Variants in CDH6 observed in about 807,000 individuals in gnomAD.
The protein encoded by CDH6 is cadherin 6.
Under a neutral mutation model 78.0 loss-of-function variants are expected in CDH6, and 31 were observed. The ratio of observed to expected loss-of-function variants is 0.40; its 90% CI spans 0.30 to 0.54. The LOEUF (loss-of-function observed/expected upper bound fraction) is 0.54. CDH6 is among the 20% of genes least tolerant of loss of function. The pLI is 0.56. For missense variants in CDH6, 724 were observed against 975.9 expected (o/e 0.74, Z 3.44); for synonymous variants, 376 against 368.8 (o/e 1.02, Z -0.23).
In CDH6 at chr5:31,323,489, G is replaced by A. The variant is rs935272539; in HGVS notation, c.*181G>A. On this transcript the variant is annotated 3_prime_UTR_variant, in exon 12 of 12. Coordinates refer to ENST00000265071, the MANE Select transcript of CDH6 (RefSeq NM_004932.4). ...TAGTACACTTTTATGAGCTTCCAAG[G>A]GGCAAATTTTTATTTTTTAGTGCAT... 1.8e-5 allele frequency: 12 copies of A among 665,778 alleles called. No homozygotes were observed. The highest frequency in any genetic ancestry group is 2.9e-5 in the Non-Finnish European group (12 of 416,368). 41.2% of individuals were successfully genotyped at this position (665,778 alleles called of 1,614,324 possible).
At chr5:31,274,902 T>C (rs1467369255) in intron 2 of CDH6, among the ~76,000 whole-genome samples, 1 of 152,236 alleles carries the variant, frequency 6.6e-6, no homozygotes, top group Non-Finnish European at 1.5e-5. Flanking sequence ...ACTGTAGCTG[T>C]TACTTCCACA....
At chr5:31,211,306 T>C (rs1004846854) in intron 1 of CDH6, among the ~76,000 whole-genome samples, 3 of 152,160 alleles carry the variant, frequency 2.0e-5, no homozygotes, top group African/African-American at 7.2e-5. Context: ...GGATTTGGCT[T>C]GGGCTTCAAC....
At chr5:31,230,204 G>T (rs1452656331) in intron 1 of CDH6, among the ~76,000 whole-genome samples, 4 of 152,154 alleles carry the variant, frequency 2.6e-5, no homozygotes. Flanking sequence ...TCTCACTCAA[G>T]GTGATATTTA....
At chr5:31,266,148 G>A (rs1579864744) in intron 1 of CDH6, among the ~76,000 whole-genome samples, 1 of 152,038 alleles carries the variant, frequency 6.6e-6, no homozygotes, top group Non-Finnish European at 1.5e-5. Context: ...CAAAAATGTG[G>A]CAAAGTTTCT....
chr5:31,227,958 A>C (rs775266441), intron 1 of CDH6, among the ~76,000 whole-genome samples: 1 of 152,226 alleles, frequency 6.6e-6, no homozygotes, highest in Non-Finnish European at 1.5e-5. Context: ...TTTATAGGTC[A>C]GAGGTCAGAG....
intron 1 of CDH6, among the ~76,000 whole-genome samples, chr5:31,199,685 G>GTGTGTATATATATATA (rs796740950): frequency 2.1e-3 from 170 of 79,806 alleles, no homozygotes; most frequent in African/African-American, 7.6e-3. Flanking sequence ...GTGTGTGTGT[G>GTGTGTATATATATATA]TATATATATA....
At chr5:31,195,060 C>T (rs1166491366) in intron 1 of CDH6, among the ~76,000 whole-genome samples, 1 of 151,252 alleles carries the variant, frequency 6.6e-6, no homozygotes. Context: ...GGAATAGCCA[C>T]ACATTTCTGT....
At chr5:31,286,604 G>A (rs149077217) in intron 2 of CDH6, among the ~76,000 whole-genome samples, 19 of 152,272 alleles carry the variant, frequency 1.2e-4, no homozygotes, top group Middle Eastern at 3.4e-3. Context: ...AGCAGAGGCC[G>A]TGCCGGGCTT....
At position 31,258,614 on chromosome 5, in the gene CDH6, TAC is replaced by T. The variant is rs961658950; in HGVS notation, c.-128-8731_-128-8730del. 1.4e-3 allele frequency among the ~76,000 whole-genome samples: 210 copies of T among 152,022 alleles called. 1 individual carries two copies. The highest frequency in any genetic ancestry group is 5.0e-3 in the African/African-American group (207 of 41,464). On this transcript the variant is annotated intron_variant, in intron 1 of 11. Coordinates refer to ENST00000265071, the MANE Select transcript of CDH6 (RefSeq NM_004932.4). ...AACAAACCTGCATGTTCTGCACGTG[TAC>T]CCCAGAACTTAAAGTATAATTTAAA...
At chr5:31,276,699 T>C (rs949716507) in intron 2 of CDH6, among the ~76,000 whole-genome samples, 12 of 152,178 alleles carry the variant, frequency 7.9e-5, no homozygotes, top group African/African-American at 2.4e-4. Flanking sequence ...TGTAAGTCCA[T>C]AGCATGAGCA....
At chr5:31,284,317 A>G (rs1439500149) in intron 2 of CDH6, among the ~76,000 whole-genome samples, 1 of 152,198 alleles carries the variant, frequency 6.6e-6, no homozygotes, top group Non-Finnish European at 1.5e-5. Flanking sequence ...TGAAGTTTGT[A>G]TGGTAGGACA....
chr5:31,242,077 C>T (rs1254310155), intron 1 of CDH6, among the ~76,000 whole-genome samples: 1 of 152,200 alleles, frequency 6.6e-6, no homozygotes, highest in Non-Finnish European at 1.5e-5. Context: ...CAGTAGCCTG[C>T]AGAGCCCAAT....
chr5:31,199,683 G>GTATATA (rs1369706220), intron 1 of CDH6, among the ~76,000 whole-genome samples: 23 of 59,678 alleles, frequency 3.9e-4, no homozygotes, highest in Admixed American at 1.6e-3. Flanking sequence ...GTGTGTGTGT[G>GTATATA]TGTATATATA....
Position 31,253,120 on chromosome 5 carries a change from A to G in CDH6, c.-128-14226A>G, listed in dbSNP as rs547405447. Among the ~76,000 whole-genome samples the G allele has an allele frequency of 2.3e-4, 35 of 152,320 alleles. No individual in the cohort carries two copies. In the South Asian group the frequency reaches 4.8e-3, roughly 21 times the overall value. Reference sequence around the variant, plus strand: ...GGCCTGGCTTCCTGATTCATGGACTATCTTCCTGCTTTGTCCTCACATGCC... The same window carrying G: ...GGCCTGGCTTCCTGATTCATGGACTGTCTTCCTGCTTTGTCCTCACATGCC... On this transcript the variant is annotated intron_variant, in intron 1 of 11. Coordinates refer to ENST00000265071, the MANE Select transcript of CDH6 (RefSeq NM_004932.4).
chr5:31,308,506 A>C (rs1275610855), intron 7 of CDH6, among the ~76,000 whole-genome samples: 1 of 151,904 alleles, frequency 6.6e-6, no homozygotes, highest in Admixed American at 6.6e-5. Flanking sequence ...GTTTCTTATC[A>C]GTGATAATTA....
chr5:31,266,474 A>ACTGTT (rs1418720256), intron 1 of CDH6, among the ~76,000 whole-genome samples: 1 of 152,204 alleles, frequency 6.6e-6, no homozygotes, highest in Non-Finnish European at 1.5e-5. Context: ...GTTTTAACAA[A>ACTGTT]TATGCTTGAT....
At chr5:31,193,967 A>C (rs1212377496) in intron 1 of CDH6, 81 bp downstream of exon 1, 2 of 104,496 alleles carry the variant, frequency 1.9e-5, no homozygotes, top group Admixed American at 2.1e-4. Flanking sequence ...AGCCAATCAG[A>C]GAGAGAGCCC....
intron 1 of CDH6, among the ~76,000 whole-genome samples, chr5:31,253,380 T>A (rs539135271): frequency 1.3e-5 from 2 of 152,210 alleles, no homozygotes; most frequent in African/African-American, 4.8e-5. Flanking sequence ...CCTGCCATCA[T>A]GTGAAGAAGG....
intron 2 of CDH6, among the ~76,000 whole-genome samples, chr5:31,267,948 G>A (rs533921002): frequency 2.6e-5 from 4 of 152,264 alleles, no homozygotes; most frequent in African/African-American, 9.6e-5. Context: ...ATCCGCATAG[G>A]ATTATCATAA....
Sources: allele counts gnomAD v4.1 joint callset (sites outside exome capture counted in the v4.1 genomes callset), GRCh38; gene constraint gnomAD v4.1.1; transcripts MANE v1.5; gene names NCBI Gene and HGNC (gene_info 2026-07-23, HGNC 2026-07-21).